The following DIP2B variants were observed in gnomAD, a reference collection of about 807,000 sequenced individuals.
The protein encoded by DIP2B is DIP2 acetate--CoA ligase B (putative), also known as disco-interacting protein 2 homolog B.
Under a neutral mutation model 198.0 loss-of-function variants are expected in DIP2B, and 76 were observed. The ratio of observed to expected loss-of-function variants is 0.38; its 90% CI spans 0.32 to 0.46. The LOEUF (loss-of-function observed/expected upper bound fraction) is 0.46. Among genes scored for constraint, DIP2B ranks in the 20% least tolerant of loss-of-function variants. The probability of loss-of-function intolerance (pLI) is 0.99; values close to 1 mark genes in which losing one functional copy is unlikely to be tolerated. For missense variants in DIP2B, 1,559 were observed against 1,978.4 expected (o/e 0.79, Z 4.02); for synonymous variants, 701 against 739.1 (o/e 0.95, Z 0.84).
chr12:50,562,438 A>C (rs1305304451), intron 1 of DIP2B, among the ~76,000 whole-genome samples: 1 of 147,206 alleles, frequency 6.8e-6, no homozygotes, highest in Non-Finnish European at 1.5e-5. Flanking sequence ...ATTTTCTTTA[A>C]AAAAAAAAAA....
intron 23 of DIP2B, among the ~76,000 whole-genome samples, chr12:50,716,958 C>CTTTTTGTTTTTTTTTTTTTTTTTT (rs1939732138): frequency 1.7e-5 from 1 of 58,924 alleles, no homozygotes; most frequent in Non-Finnish European, 3.0e-5. Flanking sequence ...CGAATTGTTG[C>CTTTTTGTTTTTTTTTTTTTTTTTT]TTTTTTTTTT....
intron 1 of DIP2B, among the ~76,000 whole-genome samples, chr12:50,525,071 G>A (rs540151525): frequency 5.8e-4 from 88 of 151,752 alleles, no homozygotes; most frequent in Non-Finnish European, 1.2e-4. Context: ...AAGAGGGACA[G>A]AGAAGGCTGG....
chr12:50,621,142 T>C (rs1937804141), intron 1 of DIP2B, among the ~76,000 whole-genome samples: 1 of 152,198 alleles, frequency 6.6e-6, no homozygotes, highest in South Asian at 2.1e-4. Flanking sequence ...GTGGTGAGGA[T>C]GATTTAAGAG....
At chr12:50,715,951 A>G (rs1413585404) in intron 23 of DIP2B, among the ~76,000 whole-genome samples, 3 of 152,238 alleles carry the variant, frequency 2.0e-5, no homozygotes, top group Non-Finnish European at 4.4e-5. Context: ...AGTGTCTGCA[A>G]TTAGCTTCCT....
In DIP2B at chr12:50,675,433, G is replaced by C; in HGVS notation, c.901G>C (p.Glu301Gln). 2 of 1,613,640 alleles carry C rather than the reference G, an allele frequency of 1.2e-6. No homozygotes were observed. The highest frequency in any genetic ancestry group is 1.7e-6 in the Non-Finnish European group (2 of 1,179,720). ...PLKEFFVDDS[E>Q]EIVEVPQPDP... ...AAAGGAATTTTTTGTGGATGACTCT[G>C]AAGAAATTGTGGAAGGTAGTAGTAA... Residue 301 changes from glutamate (E) to glutamine (Q), a missense_variant, in exon 7 of 38, where the codon GAA becomes CAA. Glu to Gln is a conservative substitution (Grantham distance 29). Transcript: ENST00000301180.
chr12:50,654,711 C>A (rs879941632), intron 3 of DIP2B, among the ~76,000 whole-genome samples: 3 of 152,140 alleles, frequency 2.0e-5, no homozygotes, highest in Non-Finnish European at 2.9e-5. Context: ...GGCCAAGTGA[C>A]ATGAACATTC....
chr12:50,651,149 T>G lies in DIP2B; in HGVS notation c.302-9045T>G, dbSNP rs1343657746. Among the ~76,000 whole-genome samples, 4 of 152,350 alleles carry G rather than the reference T, an allele frequency of 2.6e-5. No individual in the cohort carries two copies. In the East Asian group the frequency reaches 7.7e-4, roughly 29 times the overall value. On this transcript the variant is annotated intron_variant, in intron 3 of 37. Coordinates refer to ENST00000301180, the MANE Select transcript of DIP2B (RefSeq NM_173602.3). ...TTTATCTTCTCTGGAGAAATGTCTA[T>G]TCAAGTTCTTTGCCCATTTAGAAAC...
chr12:50,677,369 C>G (rs1938964192), intron 7 of DIP2B, among the ~76,000 whole-genome samples: 1 of 152,136 alleles, frequency 6.6e-6, no homozygotes, highest in Non-Finnish European at 1.5e-5. Context: ...CACCTGTAAT[C>G]CCAGCACTCT....
intron 3 of DIP2B, among the ~76,000 whole-genome samples, chr12:50,656,392 T>C (rs1183778706): frequency 6.6e-6 from 1 of 152,084 alleles, no homozygotes; most frequent in Non-Finnish European, 1.5e-5. Flanking sequence ...AAACAACTGC[T>C]CAAAATTAAG....
At chr12:50,725,609 G>GAT (rs1939917973) in intron 28 of DIP2B, among the ~76,000 whole-genome samples, 1 of 152,088 alleles carries the variant, frequency 6.6e-6, no homozygotes, top group Non-Finnish European at 1.5e-5. Flanking sequence ...ATTAAATGAT[G>GAT]TAACACAAAG....
chr12:50,701,536 C>T (rs1939417459), intron 19 of DIP2B, among the ~76,000 whole-genome samples: 1 of 152,238 alleles, frequency 6.6e-6, no homozygotes, highest in African/African-American at 2.4e-5. Context: ...TGCCTGCCAC[C>T]ACGCCTGGCT....
chr12:50,709,721 G>A (rs1939579816), intron 22 of DIP2B, among the ~76,000 whole-genome samples: 1 of 152,050 alleles, frequency 6.6e-6, no homozygotes, highest in Non-Finnish European at 1.5e-5. Context: ...AGGATCACTT[G>A]ACCCAGTAGG....
rs75719473 is a variant in DIP2B, at chr12:50,509,381, T to C, written c.100+4141T>C. Among the ~76,000 whole-genome samples the C allele has an allele frequency of 7.1e-3, 1,082 of 152,332 alleles. 16 individuals are homozygous for C. The highest frequency in any genetic ancestry group is 0.025 in the African/African-American group (1,041 of 41,558). Reference sequence around the variant, plus strand: ...AGAATGTTCCTATACTTCTGTGGCATGCAGGAAGGAGCTCAAGTCTTTCAG... The same window carrying C: ...AGAATGTTCCTATACTTCTGTGGCACGCAGGAAGGAGCTCAAGTCTTTCAG... On this transcript the variant is annotated intron_variant, in intron 1 of 37. Transcript: ENST00000301180.
intron 1 of DIP2B, among the ~76,000 whole-genome samples, chr12:50,611,506 A>G (rs7305655): frequency 0.73 from 110,836 of 152,084 alleles, 41,144 homozygotes; most frequent in East Asian, 1. Context: ...TAAAAATAGT[A>G]ACCACCAGCT....
chr12:50,507,688 C>T (rs931377976), intron 1 of DIP2B, among the ~76,000 whole-genome samples: 3 of 152,182 alleles, frequency 2.0e-5, no homozygotes, highest in Admixed American at 6.5e-5. Flanking sequence ...AGCGCCACTA[C>T]TGCCGGGCTA....
intron 1 of DIP2B, among the ~76,000 whole-genome samples, chr12:50,614,471 A>C (rs1937658135): frequency 2.0e-5 from 3 of 152,094 alleles, no homozygotes; most frequent in Non-Finnish European, 4.4e-5. Context: ...TGGTTCTAAA[A>C]TCTATATATC....
intron 16 of DIP2B, 78 bp downstream of exon 16, chr12:50,696,045 T>C (rs1939305970): frequency 1.9e-6 from 3 of 1,575,844 alleles, no homozygotes; most frequent in African/African-American, 1.4e-5. Flanking sequence ...TACTAAGATA[T>C]AATTCACATA....
intron 15 of DIP2B, 91 bp downstream of exon 15, chr12:50,695,451 C>A: frequency 1.7e-6 from 2 of 1,194,960 alleles, no homozygotes; most frequent in Non-Finnish European, 2.5e-6. Context: ...CCCTTGTATG[C>A]CCCTGTCCCT....
At chr12:50,571,586 T>C (rs1339823067) in intron 1 of DIP2B, among the ~76,000 whole-genome samples, 3 of 121,590 alleles carry the variant, frequency 2.5e-5, no homozygotes, top group Admixed American at 1.0e-4. Context: ...GGAGTCTCAC[T>C]CTGTCACCTA....
Sources: gnomAD v4.1 joint callset for allele counts (sites outside exome capture counted in the v4.1 genomes callset) on GRCh38, gnomAD v4.1.1 for gene constraint, MANE v1.5 for transcripts, NCBI Gene and HGNC (gene_info 2026-07-23, HGNC 2026-07-21) for gene names.